Variants in GALNTL6 observed in about 807,000 individuals in gnomAD.
GALNTL6 encodes the protein polypeptide N-acetylgalactosaminyltransferase like 6, also known as polypeptide N-acetylgalactosaminyltransferase-like 6.
Under a neutral mutation model 73.7 loss-of-function variants are expected in GALNTL6, and 46 were observed. The ratio of observed to expected loss-of-function variants is 0.62; its 90% CI spans 0.49 to 0.80. The LOEUF (loss-of-function observed/expected upper bound fraction) is 0.80. Ranked by LOEUF, GALNTL6 falls within the 30% of genes least tolerant of loss-of-function variation. The pLI is 0.00. For missense variants in GALNTL6, 604 were observed against 755.0 expected (o/e 0.80, Z 2.34); for synonymous variants, 259 against 263.7 (o/e 0.98, Z 0.17).
At chr4:172,289,122 T>C (rs1707759083) in intron 3 of GALNTL6, among the ~76,000 whole-genome samples, 1 of 152,230 alleles carries the variant, frequency 6.6e-6, no homozygotes, top group Non-Finnish European at 1.5e-5. Flanking sequence ...TCTGTATGTG[T>C]TTCATTTCAT....
intron 2 of GALNTL6, among the ~76,000 whole-genome samples, chr4:171,917,882 T>C (rs1737673628): frequency 6.6e-6 from 1 of 152,136 alleles, no homozygotes; most frequent in African/African-American, 2.4e-5. Context: ...GAGACACACC[T>C]ACCACCTGAC....
chr4:172,250,703 A>G (rs1412982619), intron 3 of GALNTL6, among the ~76,000 whole-genome samples: 1 of 152,172 alleles, frequency 6.6e-6, no homozygotes, highest in East Asian at 1.9e-4. Flanking sequence ...GCACTGCAGA[A>G]TTATGAGTCA....
At chr4:171,961,855 C>A (rs13133193) in intron 2 of GALNTL6, among the ~76,000 whole-genome samples, 1 of 151,922 alleles carries the variant, frequency 6.6e-6, no homozygotes. Context: ...CCAACAGTTG[C>A]CCAGTTCATA....
intron 5 of GALNTL6, among the ~76,000 whole-genome samples, chr4:172,671,197 G>A (rs1731959255): frequency 6.6e-6 from 1 of 152,134 alleles, no homozygotes; most frequent in Non-Finnish European, 1.5e-5. Flanking sequence ...AATGTCAGTG[G>A]TGATTTAATA....
chr4:171,824,436 G>A (rs1331180151), intron 2 of GALNTL6, among the ~76,000 whole-genome samples: 1 of 151,960 alleles, frequency 6.6e-6, no homozygotes, highest in Non-Finnish European at 1.5e-5. Context: ...TTTCTAAAAA[G>A]AGTATAAAAA....
At chr4:172,968,334 G>A (rs1750425913) in intron 10 of GALNTL6, among the ~76,000 whole-genome samples, 1 of 152,150 alleles carries the variant, frequency 6.6e-6, no homozygotes, top group African/African-American at 2.4e-5. Flanking sequence ...AATCAAATCT[G>A]CACCTTACCA....
At chr4:172,040,169 A>AT (rs397726077) in intron 2 of GALNTL6, among the ~76,000 whole-genome samples, 4 of 151,760 alleles carry the variant, frequency 2.6e-5, no homozygotes, top group East Asian at 1.9e-4. Flanking sequence ...GAGACTAAAA[A>AT]TAGCATATTA....
intron 2 of GALNTL6, among the ~76,000 whole-genome samples, chr4:172,128,352 T>A (rs183177090): frequency 2.7e-4 from 41 of 152,294 alleles, no homozygotes; most frequent in Admixed American, 7.8e-4. Flanking sequence ...GATTTTACCA[T>A]GTAGATAAAA....
At chr4:172,135,975 A>C (rs1012024443) in intron 2 of GALNTL6, among the ~76,000 whole-genome samples, 1 of 152,186 alleles carries the variant, frequency 6.6e-6, no homozygotes, top group Non-Finnish European at 1.5e-5. Context: ...TTTTAAAAAT[A>C]ATGAAGTAAC....
intron 5 of GALNTL6, among the ~76,000 whole-genome samples, chr4:172,725,847 T>G (rs1323707283): frequency 1.3e-5 from 2 of 152,188 alleles, no homozygotes; most frequent in East Asian, 1.9e-4. Flanking sequence ...ACAAGAGAGA[T>G]AAAATACGTA....
At chr4:172,962,249 T>C (rs139279073) in intron 10 of GALNTL6, among the ~76,000 whole-genome samples, 144 of 152,330 alleles carry the variant, frequency 9.5e-4, no homozygotes, top group African/African-American at 3.2e-3. Flanking sequence ...GAACTGGCCA[T>C]CTGGATGTGT....
At chr4:172,854,299 C>T (rs1331481484) in intron 7 of GALNTL6, among the ~76,000 whole-genome samples, 2 of 152,102 alleles carry the variant, frequency 1.3e-5, no homozygotes, top group African/African-American at 4.8e-5. Flanking sequence ...TTTCCTGTGA[C>T]TATTTAATTT....
intron 2 of GALNTL6, among the ~76,000 whole-genome samples, chr4:171,991,081 A>G (rs1740317409): frequency 6.6e-6 from 1 of 152,160 alleles, no homozygotes; most frequent in African/African-American, 2.4e-5. Context: ...GCTACTCATA[A>G]GAGCCACATG....
At chr4:172,338,678 T>C (rs926385428) in intron 4 of GALNTL6, among the ~76,000 whole-genome samples, 1 of 152,150 alleles carries the variant, frequency 6.6e-6, no homozygotes, top group Admixed American at 6.5e-5. Context: ...CTGCGAGATA[T>C]TGCCTGAGAC....
At chr4:172,414,685 G>T (rs1744560446) in intron 5 of GALNTL6, among the ~76,000 whole-genome samples, 2 of 152,096 alleles carry the variant, frequency 1.3e-5, no homozygotes, top group African/African-American at 4.8e-5. Context: ...TTTCCTAGAA[G>T]TTCTTGAATC....
At chr4:172,191,373 A>G (rs1262954154) in intron 2 of GALNTL6, among the ~76,000 whole-genome samples, 1 of 152,124 alleles carries the variant, frequency 6.6e-6, no homozygotes, top group Non-Finnish European at 1.5e-5. Flanking sequence ...TATTCTCTAC[A>G]ACTGCCCTCC....
intron 3 of GALNTL6, among the ~76,000 whole-genome samples, chr4:172,243,131 A>T (rs1737506358): frequency 6.6e-6 from 1 of 152,172 alleles, no homozygotes; most frequent in Non-Finnish European, 1.5e-5. Context: ...ACTGGCCACA[A>T]TAGCCTCCTT....
Position 172,311,584 on chromosome 4 carries a change from T to A in GALNTL6, c.248-30T>A, listed in dbSNP as rs570954825. The A allele has an allele frequency of 8.3e-5, 131 of 1,580,702 alleles. No individual in the cohort carries two copies. The South Asian group carries it at 1.5e-3, about 18-fold the overall frequency. The stretch of plus-strand genomic sequence containing the variant: ...GAAGATAAAATGGCTTTTATAGAGA[T>A]GATAATCTCATTTTGTTTTCTCCTG... On this transcript the variant is annotated intron_variant, in intron 3 of 12. Transcript: ENST00000506823.
At chr4:172,871,611 AGTGTGTGT>A (rs5864173) in intron 7 of GALNTL6, among the ~76,000 whole-genome samples, 20 of 137,510 alleles carry the variant, frequency 1.5e-4, no homozygotes, top group African/African-American at 2.4e-4. Flanking sequence ...TGTGTGTGAG[AGTGTGTGT>A]GTGTGTGTGT....
Sources: gnomAD v4.1 joint callset for allele counts (sites outside exome capture counted in the v4.1 genomes callset) on GRCh38, gnomAD v4.1.1 for gene constraint, MANE v1.5 for transcripts, NCBI Gene and HGNC (gene_info 2026-07-23, HGNC 2026-07-21) for gene names.